Variants in SHISA9 observed in about 807,000 individuals in gnomAD.
SHISA9 encodes the protein protein shisa-9.
Under a neutral mutation model 38.0 loss-of-function variants are expected in SHISA9, and 13 were observed. That is an observed-to-expected ratio of 0.34 (90% CI 0.22 to 0.54). SHISA9 has a LOEUF of 0.54. Ranked by LOEUF, SHISA9 falls within the 20% of genes least tolerant of loss-of-function variation. The pLI, the probability that SHISA9 is intolerant of heterozygous loss-of-function variation, is 0.91. For missense variants in SHISA9, 538 were observed against 575.8 expected, an observed-to-expected ratio of 0.93 and a Z score of 0.67; for synonymous variants, 275 against 242.0, an observed-to-expected ratio of 1.14 and a Z score of -1.27.
chr16:13,280,341 G>A, the SHISA9 span, among the ~76,000 whole-genome samples: 1 of 151,092 alleles, frequency 6.6e-6, no homozygotes, highest in East Asian at 1.9e-4. Context: ...ATTGCTTTAG[G>A]CTTAAATAAC....
intron 2 of SHISA9, among the ~76,000 whole-genome samples, chr16:13,138,108 C>T (rs1596674282): frequency 1.3e-5 from 2 of 152,232 alleles, no homozygotes; most frequent in African/African-American, 2.4e-5. Context: ...ATGGTGATGC[C>T]GCTAGTCCCT....
the SHISA9 span, among the ~76,000 whole-genome samples, chr16:13,534,018 C>T: frequency 0.11 from 16,661 of 151,954 alleles, 1,026 homozygotes; most frequent in Non-Finnish European, 0.15. Flanking sequence ...CTCCTGACCT[C>T]GTGATCCGCC....
chr16:12,933,756 A>G (rs1479517308), intron 2 of SHISA9, among the ~76,000 whole-genome samples: 2 of 152,180 alleles, frequency 1.3e-5, no homozygotes, highest in African/African-American at 4.8e-5. Flanking sequence ...CATAGTACAC[A>G]TTCATTCAAC....
At position 12,902,112 on chromosome 16, in the gene SHISA9, G is replaced by A. The variant is rs978186734; in HGVS notation, c.48G>A (p.Leu16=). Reference sequence around the variant, plus strand: ...TCCTCGGTTGCTTCCTCACCGAGCTGTGCGCCCGCGTGTGCCGGGCGCAGG... The same window carrying A: ...TCCTCGGTTGCTTCCTCACCGAGCTATGCGCCCGCGTGTGCCGGGCGCAGG... ...RLLLGCFLTE[L]CARVCRAQER... is the part of the protein sequence containing the mutation. The change falls in exon 1 of 5, where the codon CTG becomes CTA. Residue 16 remains leucine (L), a synonymous_variant. Transcript: ENST00000558583. The A allele has an allele frequency of 5.3e-6, 8 of 1,499,810 alleles. No individual in the cohort carries two copies. In the African/African-American group the frequency reaches 1.2e-4, roughly 22 times the overall value. 92.9% of individuals were successfully genotyped at this position (1,499,810 alleles called of 1,614,324 possible). A position where few individuals can be genotyped will look rare whatever the true frequency, so the allele number is the denominator to read the frequency against.
chr16:13,408,501 AAAT>A, the SHISA9 span, among the ~76,000 whole-genome samples: 2 of 152,190 alleles, frequency 1.3e-5, no homozygotes, highest in East Asian at 1.9e-4. Flanking sequence ...AGAGAATAAA[AAAT>A]AATTTTTTCT....
At chr16:13,072,465 C>G (rs540540261) in intron 2 of SHISA9, among the ~76,000 whole-genome samples, 4 of 152,226 alleles carry the variant, frequency 2.6e-5, no homozygotes, top group Admixed American at 2.0e-4. Flanking sequence ...TGGCGAAATT[C>G]CAGCCGGAGG....
the SHISA9 span, among the ~76,000 whole-genome samples, chr16:13,416,589 G>A: frequency 3.3e-5 from 5 of 152,136 alleles, no homozygotes; most frequent in Non-Finnish European, 7.3e-5. Context: ...GGGCCCACCT[G>A]TAGTCCTAGC....
chr16:12,999,287 T>C (rs889698922), intron 2 of SHISA9, among the ~76,000 whole-genome samples: 1 of 152,084 alleles, frequency 6.6e-6, no homozygotes, highest in Non-Finnish European at 1.5e-5. Flanking sequence ...AAATAGACCA[T>C]GAAAAGGACA....
rs143845323 is a variant in SHISA9 at position 12,941,334 on chromosome 16, G to C, written c.691+24519G>C. 8.6e-3 allele frequency among the ~76,000 whole-genome samples: 1,290 copies of C among 150,602 alleles called. 21 individuals are homozygous for C. Among genetic ancestry groups the C allele is most frequent in the South Asian group, 8.0e-3 (38 of 4,766 alleles). ...CCACTGCTCTCCAGCCTGGGCAACAGAGTGAGATTCCATCTAAAAAAAATA... is the reference window on the plus strand; with the variant it reads ...CCACTGCTCTCCAGCCTGGGCAACACAGTGAGATTCCATCTAAAAAAAATA... On this transcript the variant is annotated intron_variant, in intron 2 of 4. Transcript: ENST00000558583.
At chr16:13,291,647 AAGTTGATATTTG>A in the SHISA9 span, among the ~76,000 whole-genome samples, 1 of 152,196 alleles carries the variant, frequency 6.6e-6, no homozygotes, top group African/African-American at 2.4e-5. Flanking sequence ...TTCATGTTTT[AAGTTGATATTTG>A]AGTTACTTAT....
intron 3 of SHISA9, among the ~76,000 whole-genome samples, chr16:13,205,230 G>C (rs1056067215): frequency 6.6e-6 from 1 of 152,200 alleles, no homozygotes; most frequent in African/African-American, 2.4e-5. Flanking sequence ...TGTGAAGCCA[G>C]GGGTGACAGC....
At chr16:13,358,618 C>G in the SHISA9 span, among the ~76,000 whole-genome samples, 80 of 152,300 alleles carry the variant, frequency 5.3e-4, no homozygotes, top group African/African-American at 1.7e-3. Context: ...AGAGAGTATT[C>G]TCTTTTCAGA....
chr16:13,105,552 A>G (rs946476794), intron 2 of SHISA9, among the ~76,000 whole-genome samples: 1 of 152,222 alleles, frequency 6.6e-6, no homozygotes, highest in Non-Finnish European at 1.5e-5. Flanking sequence ...CCTCCCAATT[A>G]GACTGGTTGT....
intron 2 of SHISA9, among the ~76,000 whole-genome samples, chr16:12,932,818 C>T (rs2071479356): frequency 6.6e-6 from 1 of 152,164 alleles, no homozygotes; most frequent in Non-Finnish European, 1.5e-5. Context: ...TGGCTCCCTG[C>T]AGTGGAGTGT....
chr16:13,137,652 C>T (rs1880585309), intron 2 of SHISA9, among the ~76,000 whole-genome samples: 1 of 152,050 alleles, frequency 6.6e-6, no homozygotes, highest in Admixed American at 6.6e-5. Context: ...GATGGGGTTT[C>T]ACCATGTTGG....
intron 2 of SHISA9, among the ~76,000 whole-genome samples, chr16:13,042,211 A>C (rs1404467991): frequency 6.6e-6 from 1 of 152,150 alleles, no homozygotes; most frequent in African/African-American, 2.4e-5. Context: ...ACTGGTCGCT[A>C]CCTTTACCTC....
chr16:13,469,118 T>C, the SHISA9 span, among the ~76,000 whole-genome samples: 1 of 151,296 alleles, frequency 6.6e-6, no homozygotes, highest in Non-Finnish European at 1.5e-5. Flanking sequence ...GGTGGGTGTC[T>C]GTAATCCCAG....
At chr16:13,181,824 C>G (rs1387843579) in intron 2 of SHISA9, among the ~76,000 whole-genome samples, 1 of 152,004 alleles carries the variant, frequency 6.6e-6, no homozygotes, top group Non-Finnish European at 1.5e-5. Flanking sequence ...AAGGTCACAA[C>G]CTTTAAAATA....
chr16:13,509,777 GACT>G, the SHISA9 span, among the ~76,000 whole-genome samples: 1 of 152,022 alleles, frequency 6.6e-6, no homozygotes, highest in Non-Finnish European at 1.5e-5. Context: ...AATTTTTACC[GACT>G]ACTTTTTAAG....
Sources: allele counts gnomAD v4.1 joint callset (sites outside exome capture counted in the v4.1 genomes callset), GRCh38; gene constraint gnomAD v4.1.1; transcripts MANE v1.5; gene names NCBI Gene and HGNC (gene_info 2026-07-23, HGNC 2026-07-21).